Variants in CCDC172 observed in about 807,000 individuals in gnomAD.
The protein encoded by CCDC172 is coiled-coil domain containing 172.
Under a neutral mutation model 38.0 loss-of-function variants are expected in CCDC172, and 30 were observed. The ratio of observed to expected loss-of-function variants is 0.79; its 90% confidence interval spans 0.59 to 1.07. CCDC172 has a LOEUF of 1.07. Ranked by LOEUF, CCDC172 falls within the 50% of genes least tolerant of loss-of-function variation. The probability of loss-of-function intolerance (pLI) is 0.00; values close to 1 mark genes in which losing one functional copy is unlikely to be tolerated. For synonymous variants in CCDC172, 78 were observed against 88.3 expected, an observed-to-expected ratio of 0.88 and a Z score of 0.66; for missense variants, 297 against 290.1, an observed-to-expected ratio of 1.02 and a Z score of -0.17.
chr10:116,346,656 G>GA (rs71010078), intron 5 of CCDC172, among the ~76,000 whole-genome samples: 113 of 148,316 alleles, frequency 7.6e-4, no homozygotes, highest in South Asian at 1.7e-3. Flanking sequence ...TTAAAATTAA[G>GA]AAAAAAAAAA....
chr10:116,377,587 T>G (rs1365612043), intron 7 of CCDC172, among the ~76,000 whole-genome samples: 1 of 152,142 alleles, frequency 6.6e-6, no homozygotes, highest in African/African-American at 2.4e-5. Context: ...AAGACTTAAT[T>G]GGGGAAAAGA....
chr10:116,358,038 C>T, intron 7 of CCDC172, 100 bp downstream of exon 7: 1 of 658,294 alleles, frequency 1.5e-6, no homozygotes, highest in Non-Finnish European at 2.7e-6. Context: ...ATTTGAAGTT[C>T]CAGATGAGGA....
At chr10:116,349,549 T>C (rs555133984) in intron 5 of CCDC172, among the ~76,000 whole-genome samples, 2 of 152,338 alleles carry the variant, frequency 1.3e-5, no homozygotes, top group Admixed American at 1.3e-4. Context: ...CTTCAAAGCA[T>C]TGTAATTACA....
chr10:116,328,565 G>T (rs970333668), intron 3 of CCDC172, among the ~76,000 whole-genome samples: 1 of 151,924 alleles, frequency 6.6e-6, no homozygotes, highest in Non-Finnish European at 1.5e-5. Flanking sequence ...CCCTTAAGAG[G>T]GAGTAAATGG....
At chr10:116,337,261 A>G (rs1191495649) in intron 3 of CCDC172, among the ~76,000 whole-genome samples, 3 of 151,262 alleles carry the variant, frequency 2.0e-5, no homozygotes, top group Admixed American at 2.0e-4. Context: ...TCAAGAAATT[A>G]TTCTGCCTTA....
At position 116,357,368 on chromosome 10, in the gene CCDC172, ATC is replaced by A; in HGVS notation, c.449-10_449-9del. 6.7e-7 allele frequency: 1 copy of A among 1,495,350 alleles called. No individual in the cohort carries two copies. The highest frequency in any genetic ancestry group is 9.0e-7 in the Non-Finnish European group (1 of 1,107,722). The allele number at this position is 1,495,350 out of a possible 1,614,324, so 92.6% of individuals were successfully genotyped here. ...AGTATTTTATTTTTGATGCTTTTGT[ATC>A]TGTTTCTAGAAATGAAGTCAATGGA... On this transcript the variant is annotated splice_polypyrimidine_tract_variant and intron_variant, in intron 5 of 8. Transcript: ENST00000333254.
At chr10:116,348,597 G>A (rs1051858714) in intron 5 of CCDC172, among the ~76,000 whole-genome samples, 3 of 152,064 alleles carry the variant, frequency 2.0e-5, no homozygotes, top group African/African-American at 7.2e-5. Context: ...TTGCCAAAAT[G>A]TGAACATCCA....
chr10:116,340,760 C>T lies in CCDC172; in HGVS notation c.192C>T (p.Phe64=). Residue 64 remains phenylalanine (F), a synonymous_variant, in exon 4 of 9, where the codon TTC becomes TTT. Coordinates refer to ENST00000333254, the MANE Select transcript of CCDC172 (RefSeq NM_198515.3). Reference sequence around the variant, plus strand: ...TTCAACAGTTTTTTGAAAAATCCTTCTTCTTACAGCTTTTGAAAGCTCATG... The same window carrying T: ...TTCAACAGTTTTTTGAAAAATCCTTTTTCTTACAGCTTTTGAAAGCTCATG... The part of the protein sequence containing the change: ...SKVQQFFEKS[F]FLQLLKAHEN... The T allele has an allele frequency of 6.3e-7, 1 of 1,595,548 alleles. No homozygotes were observed. The highest frequency in any genetic ancestry group is 1.7e-5 in the Admixed American group (1 of 57,722).
At chr10:116,339,083 G>A (rs1175319341) in intron 3 of CCDC172, among the ~76,000 whole-genome samples, 2 of 151,872 alleles carry the variant, frequency 1.3e-5, no homozygotes, top group African/African-American at 4.8e-5. Context: ...AAGCTCTGGT[G>A]GATCTAGGAT....
chr10:116,331,666 GGT>G (rs1844664915), intron 3 of CCDC172, among the ~76,000 whole-genome samples: 1 of 151,906 alleles, frequency 6.6e-6, no homozygotes, highest in Admixed American at 6.6e-5. Context: ...TTTCTTACAT[GGT>G]GGTAGATTTT....
At chr10:116,367,174 C>A (rs76030171) in intron 7 of CCDC172, among the ~76,000 whole-genome samples, 17,680 of 151,946 alleles carry the variant, frequency 0.12, 1,596 homozygotes, top group African/African-American at 0.25. Context: ...AATTTTTAAT[C>A]ATTTTTTATA....
At chr10:116,364,211 A>C (rs1845097079) in intron 7 of CCDC172, among the ~76,000 whole-genome samples, 1 of 152,198 alleles carries the variant, frequency 6.6e-6, no homozygotes, top group Admixed American at 6.5e-5. Context: ...TAATTGAGCT[A>C]TACTGATTAT....
intron 5 of CCDC172, among the ~76,000 whole-genome samples, chr10:116,357,160 A>C (rs567467210): frequency 6.1e-4 from 92 of 152,040 alleles, no homozygotes; most frequent in Non-Finnish European, 1.1e-3. Context: ...TGGAATTTTC[A>C]TGGGGATTGC....
intron 3 of CCDC172, among the ~76,000 whole-genome samples, chr10:116,326,128 C>T (rs1271261414): frequency 2.0e-5 from 3 of 152,116 alleles, no homozygotes; most frequent in African/African-American, 7.2e-5. Flanking sequence ...TTTAGGTAGC[C>T]TAGTATGGTG....
chr10:116,350,827 C>T (rs1030596571), intron 5 of CCDC172, among the ~76,000 whole-genome samples: 1 of 152,070 alleles, frequency 6.6e-6, no homozygotes, highest in Admixed American at 6.6e-5. Context: ...TTGATTAGAA[C>T]ATTGTGGGTT....
chr10:116,369,588 G>C (rs1275950364), intron 7 of CCDC172, among the ~76,000 whole-genome samples: 1 of 151,896 alleles, frequency 6.6e-6, no homozygotes, highest in Non-Finnish European at 1.5e-5. Flanking sequence ...CATTGTAATA[G>C]ATGTACTACA....
At chr10:116,353,031 A>G (rs1844950478) in intron 5 of CCDC172, among the ~76,000 whole-genome samples, 1 of 152,084 alleles carries the variant, frequency 6.6e-6, no homozygotes, top group Non-Finnish European at 1.5e-5. Flanking sequence ...GTCTCTACTC[A>G]AAATACAAAA....
At chr10:116,368,486 A>G (rs1380400275) in intron 7 of CCDC172, among the ~76,000 whole-genome samples, 1 of 151,976 alleles carries the variant, frequency 6.6e-6, no homozygotes, top group Non-Finnish European at 1.5e-5. Context: ...TTAAAGTTAC[A>G]TGGGTCATAA....
chr10:116,326,710 G>A (rs534826031), intron 3 of CCDC172, among the ~76,000 whole-genome samples: 1 of 152,168 alleles, frequency 6.6e-6, no homozygotes, highest in Non-Finnish European at 1.5e-5. Flanking sequence ...TGTGAGCTGC[G>A]TATCTGGAAT....
Sources: allele counts gnomAD v4.1 joint callset (sites outside exome capture counted in the v4.1 genomes callset), GRCh38; gene constraint gnomAD v4.1.1; transcripts MANE v1.5; gene names NCBI Gene and HGNC (gene_info 2026-07-23, HGNC 2026-07-21).